HERC3: variants seen among roughly 807,000 people sequenced by gnomAD.
HERC3 encodes the protein probable E3 ubiquitin-protein ligase HERC3.
Under a neutral mutation model 129.9 loss-of-function variants are expected in HERC3, and 58 were observed. The observed-to-expected ratio is 0.45, with a 90% CI of 0.36 to 0.56. The LOEUF is 0.56. HERC3 is among the 20% of genes least tolerant of loss of function. HERC3 has a pLI of 0.00. For missense variants in HERC3, 835 were observed against 1,244.2 expected, an observed-to-expected ratio of 0.67 and a Z score of 4.95; for synonymous variants, 430 against 451.0, an observed-to-expected ratio of 0.95 and a Z score of 0.59.
the HERC3 span, among the ~76,000 whole-genome samples, chr4:88,563,031 T>A: frequency 2.0e-5 from 3 of 152,234 alleles, no homozygotes; most frequent in African/African-American, 7.2e-5. Context: ...TTTCTACATA[T>A]GTAAAGAATG....
intron 16 of HERC3, among the ~76,000 whole-genome samples, chr4:88,671,227 G>C (rs545177210): frequency 6.6e-6 from 1 of 152,054 alleles, no homozygotes; most frequent in African/African-American, 2.4e-5. Context: ...ATGATAATTT[G>C]GTTATTGTAT....
the HERC3 span, among the ~76,000 whole-genome samples, chr4:88,551,092 C>T: frequency 6.7e-6 from 1 of 149,718 alleles, no homozygotes. Context: ...ATGTAGAAAG[C>T]TGAAACTGGA....
chr4:88,558,153 T>C, the HERC3 span, among the ~76,000 whole-genome samples: 1 of 148,578 alleles, frequency 6.7e-6, no homozygotes, highest in South Asian at 2.2e-4. Flanking sequence ...GTACCAGGTA[T>C]CTACCCAAAA....
chr4:88,702,749 C>T (rs1250314910), intron 23 of HERC3, among the ~76,000 whole-genome samples: 2 of 152,186 alleles, frequency 1.3e-5, no homozygotes, highest in Middle Eastern at 3.2e-3. Flanking sequence ...CATTACCTAC[C>T]CGCTAGCACA....
chr4:88,667,747 A>G (rs1445468858), intron 13 of HERC3, 145 bp from the exon 14 acceptor site: 2 of 667,100 alleles, frequency 3.0e-6, no homozygotes, highest in East Asian at 5.4e-5. Flanking sequence ...CTGAGGGCCT[A>G]GACCAGTGTC....
the HERC3 span, among the ~76,000 whole-genome samples, chr4:88,565,972 C>T: frequency 5.3e-5 from 8 of 151,332 alleles, no homozygotes; most frequent in Non-Finnish European, 1.2e-4. Context: ...TTGTTTCCAT[C>T]TTTTTTTTAA....
the HERC3 span, among the ~76,000 whole-genome samples, chr4:88,564,793 A>G: frequency 6.6e-6 from 1 of 151,716 alleles, no homozygotes; most frequent in South Asian, 2.1e-4. Context: ...GCTCTTTTCT[A>G]CTTCTTTAAG....
chr4:88,625,461 CA>C (rs1725993671), intron 3 of HERC3, among the ~76,000 whole-genome samples: 1 of 152,086 alleles, frequency 6.6e-6, no homozygotes, highest in South Asian at 2.1e-4. Flanking sequence ...TATTTTTAAA[CA>C]ATCTTTAATT....
intron 23 of HERC3, chr4:88,693,431 A>G (rs1734274781): frequency 3.1e-6 from 3 of 971,032 alleles, no homozygotes; most frequent in Non-Finnish European, 3.7e-6. Context: ...CATGGTGTGT[A>G]TTCTTTAAAA....
At chr4:88,563,565 C>G in the HERC3 span, among the ~76,000 whole-genome samples, 1 of 152,070 alleles carries the variant, frequency 6.6e-6, no homozygotes, top group Non-Finnish European at 1.5e-5. Flanking sequence ...AAGTGGGCAT[C>G]CTTATCATGT....
At chr4:88,602,617 A>T (rs1343466582) in intron 2 of HERC3, among the ~76,000 whole-genome samples, 1 of 151,872 alleles carries the variant, frequency 6.6e-6, no homozygotes, top group Admixed American at 6.6e-5. Context: ...AGCTGGGACT[A>T]CAGGTGTGTC....
the HERC3 span, among the ~76,000 whole-genome samples, chr4:88,558,613 A>T: frequency 0.05 from 7,560 of 152,174 alleles, 441 homozygotes; most frequent in East Asian, 0.27. Context: ...AACTTATCCA[A>T]GTAACCAAAA....
intron 1 of HERC3, among the ~76,000 whole-genome samples, chr4:88,592,923 G>A (rs992655531): frequency 1.4e-5 from 2 of 146,336 alleles, no homozygotes; most frequent in Admixed American, 1.3e-4. Flanking sequence ...CTGCCGCCCG[G>A]GAGGAATTGC....
chr4:88,556,169 C>T, the HERC3 span, among the ~76,000 whole-genome samples: 348 of 152,172 alleles, frequency 2.3e-3, 1 homozygote, highest in African/African-American at 7.8e-3. Flanking sequence ...CTCCAATATC[C>T]CTCAGTGAAA....
At chr4:88,610,663 T>C (rs144281975) in intron 3 of HERC3, among the ~76,000 whole-genome samples, 257 of 152,224 alleles carry the variant, frequency 1.7e-3, no homozygotes, top group African/African-American at 5.9e-3. Context: ...GCAGAGTCAG[T>C]TGCTCAGATA....
chr4:88,562,124 G>T, the HERC3 span, among the ~76,000 whole-genome samples: 8 of 151,988 alleles, frequency 5.3e-5, no homozygotes, highest in Non-Finnish European at 8.8e-5. Flanking sequence ...GGTGTACAAG[G>T]GTTCCTTTTT....
rs76593033 is a variant in HERC3 at position 88,666,961 on chromosome 4, C to T, written c.1332-416C>T. On this transcript the variant is annotated intron_variant, in intron 12 of 25. Coordinates refer to ENST00000402738, the MANE Select transcript of HERC3 (RefSeq NM_014606.3). ...TGAGTGGACCAGTTTGCACAGGGGA[C>T]GTTATTTGTACCAAGCCACAGCATC... 6.8e-3 allele frequency among the ~76,000 whole-genome samples: 1,032 copies of T among 152,100 alleles called. 11 individuals are homozygous for T. The highest frequency in any genetic ancestry group is 0.024 in the African/African-American group (980 of 41,498).
chr4:88,542,214 AAGAG>A, the HERC3 span, among the ~76,000 whole-genome samples: 2 of 152,214 alleles, frequency 1.3e-5, no homozygotes, highest in Non-Finnish European at 2.9e-5. Flanking sequence ...TAAAGAATAA[AAGAG>A]AGAAGAATCA....
At chr4:88,673,489 G>A (rs1295953850) in intron 16 of HERC3, among the ~76,000 whole-genome samples, 2 of 152,108 alleles carry the variant, frequency 1.3e-5, no homozygotes, top group African/African-American at 2.4e-5. Context: ...GTGCAGCCCC[G>A]TTTCAGGCAG....
Sources: gnomAD v4.1 joint callset for allele counts (sites outside exome capture counted in the v4.1 genomes callset) on GRCh38, gnomAD v4.1.1 for gene constraint, MANE v1.5 for transcripts, NCBI Gene and HGNC (gene_info 2026-07-23, HGNC 2026-07-21) for gene names.